Variants in MANBA observed in about 807,000 individuals in gnomAD.
The protein encoded by MANBA is mannosidase beta, also known as beta-mannosidase.
A neutral mutation model predicts 111.1 loss-of-function variants in MANBA; 83 were observed. The observed-to-expected ratio is 0.75, with a 90% confidence interval of 0.63 to 0.90. The LOEUF (loss-of-function observed/expected upper bound fraction) is 0.90. MANBA is among the 40% of genes least tolerant of loss of function. MANBA has a pLI of 0.00. For synonymous variants in MANBA, 370 were observed against 378.7 expected (o/e 0.98, Z 0.27); for missense variants, 1,036 against 1,069.0 (o/e 0.97, Z 0.43).
At chr4:102,727,858 A>C (rs1465534213) in intron 1 of MANBA, 1 of 584,564 alleles carries the variant, frequency 1.7e-6, no homozygotes, top group Non-Finnish European at 3.1e-6. Context: ...GGTCTCCTAA[A>C]GATGAAAAAG....
At chr4:102,687,588 G>T (rs190936921) in intron 7 of MANBA, among the ~76,000 whole-genome samples, 1 of 151,910 alleles carries the variant, frequency 6.6e-6, no homozygotes, top group African/African-American at 2.4e-5. Context: ...TTTTCCCTCC[G>T]CCTCTTTGCT....
intron 14 of MANBA, among the ~76,000 whole-genome samples, chr4:102,638,152 G>A (rs192399694): frequency 4.5e-4 from 69 of 152,218 alleles, no homozygotes; most frequent in Admixed American, 4.4e-3. Context: ...GGCCAGGTGC[G>A]GTGGCTCATG....
intron 2 of MANBA, among the ~76,000 whole-genome samples, chr4:102,725,517 A>G (rs1212384268): frequency 6.6e-6 from 1 of 152,220 alleles, no homozygotes; most frequent in East Asian, 1.9e-4. Context: ...GACATCTTTC[A>G]GCTGTATTTT....
chr4:102,729,973 T>G, intron 1 of MANBA: 1 of 946,560 alleles, frequency 1.1e-6, no homozygotes, highest in Non-Finnish European at 1.7e-6. Context: ...TGGTTGACTG[T>G]GATGGTGGTG....
chr4:102,705,024 A>G (rs1489819144), intron 5 of MANBA, among the ~76,000 whole-genome samples: 1 of 152,188 alleles, frequency 6.6e-6, no homozygotes, highest in Non-Finnish European at 1.5e-5. Context: ...ACAAAGAAGA[A>G]CCCCTTCAGA....
chr4:102,749,992 A>C (rs1723729936), intron 1 of MANBA, among the ~76,000 whole-genome samples: 1 of 152,240 alleles, frequency 6.6e-6, no homozygotes, highest in Non-Finnish European at 1.5e-5. Context: ...AGGTTTAAGG[A>C]TCAGGATTTT....
chr4:102,751,787 A>C, intron 1 of MANBA: 1 of 520,562 alleles, frequency 1.9e-6, no homozygotes, highest in Non-Finnish European at 3.9e-6. Context: ...CCTTGGAAAG[A>C]AAGTCAATAA....
At chr4:102,674,671 T>C (rs1731650890) in intron 7 of MANBA, among the ~76,000 whole-genome samples, 1 of 152,220 alleles carries the variant, frequency 6.6e-6, no homozygotes, top group African/African-American at 2.4e-5. Flanking sequence ...CACTCTGTGC[T>C]ATTGGTGCTC....
At chr4:102,746,750 G>T (rs1008997182) in intron 1 of MANBA, among the ~76,000 whole-genome samples, 1 of 152,076 alleles carries the variant, frequency 6.6e-6, no homozygotes, top group African/African-American at 2.4e-5. Context: ...AGGCGGGAGG[G>T]TCATGAGGTC....
intron 5 of MANBA, among the ~76,000 whole-genome samples, chr4:102,708,722 T>C (rs997380277): frequency 6.6e-6 from 1 of 151,926 alleles, no homozygotes; most frequent in African/African-American, 2.4e-5. Flanking sequence ...AGTTTGTTTT[T>C]TGAAAACAAG....
chr4:102,695,128 A>C (rs568041430), intron 5 of MANBA, among the ~76,000 whole-genome samples: 1 of 152,340 alleles, frequency 6.6e-6, no homozygotes, highest in Non-Finnish European at 1.5e-5. Flanking sequence ...CTTCGTTCAG[A>C]GTATCACAAG....
chr4:102,731,651 C>T (rs150785424), intron 1 of MANBA, among the ~76,000 whole-genome samples: 17 of 152,258 alleles, frequency 1.1e-4, no homozygotes, highest in African/African-American at 2.6e-4. Flanking sequence ...CACAGCCATG[C>T]CCTTTCCTTT....
At position 102,634,886 on chromosome 4, in the gene MANBA, A is replaced by C; in HGVS notation, c.2317T>G (p.Phe773Val). The C allele has an allele frequency of 1.2e-6, 2 of 1,614,230 alleles. No homozygotes were observed. Among genetic ancestry groups the C allele is most frequent in the Non-Finnish European group, 1.7e-6 (2 of 1,180,030 alleles). The change falls in exon 16 of 17, where the codon TTT (phenylalanine) becomes GTT (valine). Residue 773 changes from phenylalanine to valine, a missense_variant. By Grantham distance (50) the Phe-to-Val change is conservative (BLOSUM62 -1). Transcript: ENST00000647097. ...AGTTCATGGTCAGCTGAAAGGTAAA[A>C]GGAAACCACACAGCTTTCCCGTGTG... is the stretch of plus-strand genomic sequence containing the variant. Reference protein sequence around the residue: ...NCTRESCVVSFYLSADHELLS... With the variant: ...NCTRESCVVSVYLSADHELLS...
rs535700321 is a variant in MANBA at position 102,718,885 on chromosome 4, C to T, written c.549+3986G>A. ...AGCAAGTTTTTATTAGGGATTTTAA[C>T]AGGGGAGGGGGTGTACAAACAGGGA... On this transcript the variant is annotated intron_variant, in intron 4 of 16. Transcript: ENST00000647097. Among the ~76,000 whole-genome samples, 7 of 152,188 alleles carry T rather than the reference C, an allele frequency of 4.6e-5. No homozygotes were observed. The East Asian group carries it at 1.4e-3, about 29-fold the overall frequency.
chr4:102,759,962 C>A (rs1724173319), intron 1 of MANBA, among the ~76,000 whole-genome samples: 1 of 152,126 alleles, frequency 6.6e-6, no homozygotes, highest in Non-Finnish European at 1.5e-5. Context: ...CACGTGGGAA[C>A]GCTGTGCAAG....
Position 102,760,780 on chromosome 4 carries a change from C to G in MANBA, c.115G>C (p.Glu39Gln). The part of the protein sequence containing the change: ...WSICNGNGSL[E>Q]LPGAVPGCVH... The stretch of plus-strand genomic sequence containing the variant: ...CAGCCAGGGACCGCCCCGGGCAGCT[C>G]CAGCGAGCCGTTCCCATTGCAGATG... The change falls in exon 1 of 17, where the codon GAG (glutamate) becomes CAG (glutamine). Residue 39 changes from glutamate to glutamine, a missense_variant. Glu to Gln is a conservative substitution (Grantham distance 29). Coordinates refer to ENST00000647097, the MANE Select transcript of MANBA (RefSeq NM_005908.4). The G allele has an allele frequency of 6.4e-7, 1 of 1,552,130 alleles. No homozygotes were observed. Among genetic ancestry groups the G allele is most frequent in the Admixed American group, 2.0e-5 (1 of 51,234 alleles).
intron 1 of MANBA, among the ~76,000 whole-genome samples, chr4:102,744,377 C>T (rs1212440662): frequency 1.3e-5 from 2 of 152,174 alleles, no homozygotes; most frequent in Non-Finnish European, 2.9e-5. Context: ...AGCATAATGT[C>T]ATCAATGTAA....
chr4:102,651,712 T>C lies in MANBA; in HGVS notation c.1705-1011A>G, dbSNP rs1039645118. Among the ~76,000 whole-genome samples, 4 of 152,312 alleles carry C rather than the reference T, an allele frequency of 2.6e-5. No homozygotes were observed. In the South Asian group the frequency reaches 8.3e-4, roughly 32 times the overall value. ...CCATTACCTTAAAAGGAAAAGGTTA[T>C]CCTTCAGGAACTGATTCATACCCAA... On this transcript the variant is annotated intron_variant, in intron 12 of 16. Coordinates refer to ENST00000647097, the MANE Select transcript of MANBA (RefSeq NM_005908.4).
At chr4:102,739,592 A>G (rs1197370117) in intron 1 of MANBA, among the ~76,000 whole-genome samples, 4 of 152,220 alleles carry the variant, frequency 2.6e-5, no homozygotes, top group Admixed American at 1.3e-4. Flanking sequence ...TACCAAAAAG[A>G]TAATACACCA....
Sources: allele counts gnomAD v4.1 joint callset (sites outside exome capture counted in the v4.1 genomes callset), GRCh38; gene constraint gnomAD v4.1.1; transcripts MANE v1.5; gene names NCBI Gene and HGNC (gene_info 2026-07-23, HGNC 2026-07-21).